GBF1: variants seen among roughly 807,000 people sequenced by gnomAD.
The protein encoded by GBF1 is golgi brefeldin A resistant guanine nucleotide exchange factor 1, also known as Golgi-specific brefeldin A-resistance guanine nucleotide exchange factor 1.
Under a neutral mutation model 210.5 loss-of-function variants are expected in GBF1, and 114 were observed. The observed-to-expected ratio is 0.54, with a 90% CI of 0.47 to 0.63. The LOEUF (loss-of-function observed/expected upper bound fraction) is 0.63. Among genes scored for constraint, GBF1 ranks in the 30% least tolerant of loss-of-function variants. The probability of loss-of-function intolerance (pLI) is 0.00; values close to 1 mark genes in which losing one functional copy is unlikely to be tolerated. For missense variants in GBF1, 1,851 were observed against 2,357.7 expected, an observed-to-expected ratio of 0.79 and a Z score of 4.45; for synonymous variants, 850 against 889.2, an observed-to-expected ratio of 0.96 and a Z score of 0.78.
upstream of GBF1, among the ~76,000 whole-genome samples, chr10:102,243,045 G>C (rs969399364): frequency 6.6e-6 from 1 of 151,900 alleles, no homozygotes; most frequent in Admixed American, 6.6e-5. Flanking sequence ...TAAAGGTCAA[G>C]CTCCCTAGCC....
intron 3 of GBF1, among the ~76,000 whole-genome samples, chr10:102,265,867 A>T (rs2073812169): frequency 6.6e-6 from 1 of 151,902 alleles, no homozygotes; most frequent in South Asian, 2.1e-4. Context: ...GCCTTTGGAG[A>T]TTTAGTCCCA....
At chr10:102,296,530 G>A (rs1182106053) in intron 3 of GBF1, among the ~76,000 whole-genome samples, 2 of 151,876 alleles carry the variant, frequency 1.3e-5, no homozygotes, top group Non-Finnish European at 2.9e-5. Context: ...AGATCATGAG[G>A]TCAGGAGTTC....
chr10:102,251,144 A>G (rs1440184800), intron 1 of GBF1, among the ~76,000 whole-genome samples: 1 of 152,250 alleles, frequency 6.6e-6, no homozygotes, highest in Non-Finnish European at 1.5e-5. Flanking sequence ...TGCAAATAAC[A>G]CTTAAGGAGA....
chr10:102,305,070 T>G (rs1184349731), intron 3 of GBF1, among the ~76,000 whole-genome samples: 3 of 151,988 alleles, frequency 2.0e-5, no homozygotes, highest in East Asian at 1.9e-4. Context: ...AATAAAAATT[T>G]TATGTAAAAC....
rs375235670 is a variant in GBF1, at chr10:102,329,267, G to A, written c.164-14784G>A. ...GATATGATTGAGGCCAGTCCCTGTG[G>A]GCCTCATTTATCCCTGCCAGCCTTG... On this transcript the variant is annotated intron_variant, in intron 3 of 39. Coordinates refer to ENST00000369983, the MANE Select transcript of GBF1 (RefSeq NM_001377137.1). Among the ~76,000 whole-genome samples, 14 of 152,170 alleles carry A rather than the reference G, an allele frequency of 9.2e-5. No individual in the cohort carries two copies. The South Asian group carries it at 2.5e-3, about 27-fold the overall frequency.
intron 8 of GBF1, among the ~76,000 whole-genome samples, chr10:102,354,167 C>T (rs561368232): frequency 6.6e-6 from 1 of 152,128 alleles, no homozygotes; most frequent in Non-Finnish European, 1.5e-5. Flanking sequence ...TGAACTGAAG[C>T]CCTGGACTTC....
chr10:102,232,005 G>T, the GBF1 span: 2 of 1,610,346 alleles, frequency 1.2e-6, no homozygotes, highest in Admixed American at 1.7e-5. Flanking sequence ...GGGAGCTGGG[G>T]GTGCGGAGTG....
intron 4 of GBF1, among the ~76,000 whole-genome samples, chr10:102,350,398 A>G (rs1382680092): frequency 6.6e-6 from 1 of 152,028 alleles, no homozygotes; most frequent in African/African-American, 2.4e-5. Context: ...GCACTCAGAT[A>G]TGAGTATTGG....
intron 3 of GBF1, among the ~76,000 whole-genome samples, chr10:102,311,929 A>G: frequency 6.6e-6 from 1 of 152,174 alleles, no homozygotes; most frequent in East Asian, 1.9e-4. Flanking sequence ...TACTTAATGA[A>G]GAGCTTGAGT....
rs184245887 is a variant in GBF1 at position 102,363,167 on chromosome 10, G to A, written c.1877-89G>A. The A allele has an allele frequency of 3.2e-6, 4 of 1,256,320 alleles. No individual in the cohort carries two copies. The highest frequency in any genetic ancestry group is 4.4e-6 in the Non-Finnish European group (4 of 911,858). The allele number at this position is 1,256,320 out of a possible 1,614,324, so 77.8% of individuals were successfully genotyped here. The stretch of plus-strand genomic sequence containing the variant: ...GGCGCCCTGTGCAGGAACCATGCAG[G>A]TCTTCTGGGCTTGGGATTTGATCTA... On this transcript the variant is annotated intron_variant, in intron 15 of 39. Coordinates refer to ENST00000369983, the MANE Select transcript of GBF1 (RefSeq NM_001377137.1). The surrounding 1 kb of genome is among the most constrained non-coding windows in gnomAD (Gnocchi z 4.2).
chr10:102,338,110 G>A (rs568413850), intron 3 of GBF1, among the ~76,000 whole-genome samples: 11 of 152,026 alleles, frequency 7.2e-5, no homozygotes, highest in Non-Finnish European at 1.5e-4. Flanking sequence ...GAAGGTTCCT[G>A]GTGGGCTCAT....
intron 3 of GBF1, among the ~76,000 whole-genome samples, chr10:102,322,369 A>G (rs566403973): frequency 6.6e-6 from 1 of 152,298 alleles, no homozygotes; most frequent in African/African-American, 2.4e-5. Context: ...CATTTAGTCA[A>G]GACTTCTCTG....
rs762794493 is a variant in GBF1, at chr10:102,379,863, C to G, written c.4787C>G (p.Pro1596Arg). Residue 1596 changes from proline (P) to arginine (R), a missense_variant, in exon 36 of 40, where the codon CCT (proline) becomes CGT (arginine). This residue lies in a region of GBF1 where 967 missense variants were observed against 1,247.7 expected (regional missense o/e 0.78). Transcript: ENST00000369983. ...ATTTACCCCCACCAGGTGCTGTTTC[C>G]TCTACTTACCAAGCTCTTGGAGAAC... ...WESCFNKVLF[P>R]LLTKLLENIS... 1.2e-6 allele frequency: 2 copies of G among 1,612,616 alleles called. No individual in the cohort carries two copies. Among genetic ancestry groups the G allele is most frequent in the South Asian group, 2.2e-5 (2 of 90,988 alleles).
At position 102,302,590 on chromosome 10, in the gene GBF1, G is replaced by A. The variant is rs148279782; in HGVS notation, c.164-41461G>A. The stretch of plus-strand genomic sequence containing the variant: ...ATTTAGAGTATTTAATGACTTTTCT[G>A]AAGAATTCTTAGAATTCATCTACTA... On this transcript the variant is annotated intron_variant, in intron 3 of 39. Transcript: ENST00000369983. Among the ~76,000 whole-genome samples, 272 of 152,274 alleles carry A rather than the reference G, an allele frequency of 1.8e-3. 1 individual carries two copies. The highest frequency in any genetic ancestry group is 5.9e-3 in the African/African-American group (244 of 41,538).
the GBF1 span, chr10:102,231,952 G>A: frequency 6.2e-7 from 1 of 1,602,714 alleles, no homozygotes; most frequent in South Asian, 1.1e-5. Flanking sequence ...CCCGGAAGGG[G>A]GCGCGCTTAC....
chr10:102,290,322 T>A (rs893180269), intron 3 of GBF1, among the ~76,000 whole-genome samples: 2 of 152,148 alleles, frequency 1.3e-5, no homozygotes, highest in Non-Finnish European at 2.9e-5. Flanking sequence ...CATTATTTCA[T>A]ACAGAATTTT....
intron 3 of GBF1, among the ~76,000 whole-genome samples, chr10:102,303,097 C>T (rs971827751): frequency 6.7e-6 from 1 of 150,306 alleles, no homozygotes; most frequent in Non-Finnish European, 1.5e-5. Flanking sequence ...AAGTGATTCT[C>T]CTGCCTCCAC....
intron 30 of GBF1, 85 bp downstream of exon 30, chr10:102,375,669 C>CT (rs930402001): frequency 1.6e-5 from 14 of 849,454 alleles, no homozygotes; most frequent in Non-Finnish European, 2.7e-5. Context: ...ACACAGGTTA[C>CT]TGTGTTCAGC....
At chr10:102,373,498 C>T (rs144664578) in intron 29 of GBF1, among the ~76,000 whole-genome samples, 17 of 152,276 alleles carry the variant, frequency 1.1e-4, no homozygotes, top group Non-Finnish European at 2.1e-4. Context: ...ATCGCTTGAA[C>T]GCAGGAGGTT....
Sources: gnomAD v4.1 joint callset for allele counts (sites outside exome capture counted in the v4.1 genomes callset) on GRCh38, gnomAD v4.1.1 for gene constraint, gnomAD v4.1.1 regional missense constraint, Gnocchi (gnomAD v3.1) non-coding constraint, MANE v1.5 for transcripts, NCBI Gene and HGNC (gene_info 2026-07-23, HGNC 2026-07-21) for gene names.